TIAM1: variants seen among roughly 807,000 people sequenced by gnomAD.
TIAM1 encodes TIAM Rac1 associated GEF 1, also known as rho guanine nucleotide exchange factor TIAM1.
Under a neutral mutation model 163.5 loss-of-function variants are expected in TIAM1, and 65 were observed. That is an observed-to-expected ratio of 0.40 (90% CI 0.33 to 0.49). The LOEUF (loss-of-function observed/expected upper bound fraction) is 0.49. Ranked by LOEUF, TIAM1 falls within the 20% of genes least tolerant of loss-of-function variation. The pLI is 0.77. For synonymous variants in TIAM1, 833 were observed against 810.1 expected (o/e 1.03, Z -0.48); for missense variants, 1,789 against 2,044.7 (o/e 0.87, Z 2.41).
chr21:31,521,382 A>G (rs1228377075), intron 1 of TIAM1, among the ~76,000 whole-genome samples: 1 of 152,176 alleles, frequency 6.6e-6, no homozygotes, highest in Non-Finnish European at 1.5e-5. Context: ...CCCTGGGCAA[A>G]GTACTTATCC....
At chr21:31,132,467 C>T (rs1311585615) in intron 23 of TIAM1, among the ~76,000 whole-genome samples, 1 of 152,188 alleles carries the variant, frequency 6.6e-6, no homozygotes, top group Non-Finnish European at 1.5e-5. Flanking sequence ...CACAAGCAAC[C>T]TGAGAAGGCC....
At chr21:31,267,719 G>A (rs2146823385) in intron 3 of TIAM1, among the ~76,000 whole-genome samples, 1 of 151,688 alleles carries the variant, frequency 6.6e-6, no homozygotes, top group South Asian at 2.1e-4. Context: ...TGGAGGGGTG[G>A]TGGGGATGGG....
chr21:31,134,069 C>A (rs541096861), intron 23 of TIAM1, among the ~76,000 whole-genome samples: 76 of 152,136 alleles, frequency 5.0e-4, no homozygotes, highest in African/African-American at 1.7e-3. Flanking sequence ...TCCATCCCCC[C>A]AGAAAAACCA....
rs1171637064 is a variant in TIAM1 at position 31,141,731 on chromosome 21, T to TAA, written c.3476-229_3476-228dup. On this transcript the variant is annotated intron_variant, in intron 20 of 27. Transcript: ENST00000541036. This position sits in a 1 kb window ranked among gnomAD's most constrained non-coding sequence, Gnocchi z 4.7. ...TGGGGTGGGGAGAAGCCTGATGAGT[T>TAA]AAAGGATGACGGAGTGTAGACTGCA... 6.6e-6 allele frequency among the ~76,000 whole-genome samples: 1 copy of TAA among 152,010 alleles called. No homozygotes were observed. Among genetic ancestry groups the TAA allele is most frequent in the Non-Finnish European group, 1.5e-5 (1 of 67,994 alleles).
intron 2 of TIAM1, among the ~76,000 whole-genome samples, chr21:31,282,029 G>T (rs1266652133): frequency 6.6e-6 from 1 of 152,230 alleles, no homozygotes; most frequent in African/African-American, 2.4e-5. Context: ...AATTTAAAAA[G>T]TAATAGGAGG....
chr21:31,542,861 G>A (rs957639770), intron 1 of TIAM1, among the ~76,000 whole-genome samples: 3 of 151,878 alleles, frequency 2.0e-5, no homozygotes, highest in Non-Finnish European at 4.4e-5. Context: ...CCAGATACTC[G>A]GGAGGCTGAG....
rs138462355 is a variant in TIAM1 at position 31,453,562 on chromosome 21, G to A, written c.-369+10421C>T. ...GCAAAAATTAGCCGGGTGTGGTGGC[G>A]CACGCCTGTAGTCCCAGCTACTCGG... On this transcript the variant is annotated intron_variant, in intron 2 of 28. Transcript: ENST00000286827. Among the ~76,000 whole-genome samples the A allele has an allele frequency of 2.0e-3, 310 of 152,034 alleles. 2 individuals are homozygous for A. The highest frequency in any genetic ancestry group is 2.4e-3 in the African/African-American group (100 of 41,462).
intron 2 of TIAM1, among the ~76,000 whole-genome samples, chr21:31,376,349 G>A (rs963593820): frequency 1.2e-4 from 19 of 152,154 alleles, no homozygotes; most frequent in African/African-American, 4.6e-4. Context: ...GCTATCTCAG[G>A]CTCCTGGGCT....
chr21:31,457,178 G>A (rs535183033), intron 2 of TIAM1, among the ~76,000 whole-genome samples: 7 of 151,942 alleles, frequency 4.6e-5, no homozygotes, highest in Admixed American at 2.0e-4. Flanking sequence ...TTCAGGCTCC[G>A]GCAGGGAGCT....
At chr21:31,405,202 C>T (rs1487493297) in intron 2 of TIAM1, among the ~76,000 whole-genome samples, 2 of 152,174 alleles carry the variant, frequency 1.3e-5, no homozygotes, top group Non-Finnish European at 2.9e-5. Context: ...GAGCCATGAT[C>T]ATGCCACTGC....
intron 2 of TIAM1, among the ~76,000 whole-genome samples, chr21:31,457,101 T>C (rs2045133729): frequency 6.6e-6 from 1 of 152,178 alleles, no homozygotes; most frequent in Non-Finnish European, 1.5e-5. Flanking sequence ...GTCTCCTCCC[T>C]GATCATTTTT....
intron 2 of TIAM1, among the ~76,000 whole-genome samples, chr21:31,416,840 A>G (rs1194201306): frequency 2.6e-5 from 4 of 152,208 alleles, no homozygotes; most frequent in Non-Finnish European, 4.4e-5. Flanking sequence ...GACATCATGT[A>G]GTGGGCCCTA....
chr21:31,425,063 A>G (rs1023833512), intron 2 of TIAM1, among the ~76,000 whole-genome samples: 1 of 152,086 alleles, frequency 6.6e-6, no homozygotes, highest in Non-Finnish European at 1.5e-5. Flanking sequence ...AAACAAAAAA[A>G]AAAAAAGAAA....
chr21:31,421,317 CAGA>C (rs963333793), intron 2 of TIAM1, among the ~76,000 whole-genome samples: 1 of 152,058 alleles, frequency 6.6e-6, no homozygotes, highest in African/African-American at 2.4e-5. Context: ...TAGGAGCCAC[CAGA>C]AGAAGAGTCG....
intron 1 of TIAM1, among the ~76,000 whole-genome samples, chr21:31,465,504 C>T (rs2045490684): frequency 6.6e-6 from 1 of 151,670 alleles, no homozygotes; most frequent in Non-Finnish European, 1.5e-5. Flanking sequence ...GAGACCAAGG[C>T]AGGGCTTCTT....
chr21:31,335,516 C>A (rs1402863282), intron 2 of TIAM1, among the ~76,000 whole-genome samples: 1 of 151,996 alleles, frequency 6.6e-6, no homozygotes. Flanking sequence ...ACCATCCTGG[C>A]CAACACGGTG....
At position 31,180,521 on chromosome 21, in the gene TIAM1, C is replaced by CT. The variant is rs551863943; in HGVS notation, c.2887+1899dup. Reference sequence around the variant, plus strand: ...CCTATGGATTATAGTTTACCCACCTCTTTTTTTTTTTATATCTGTAACCCA... The same window carrying CT: ...CCTATGGATTATAGTTTACCCACCTCTTTTTTTTTTTTATATCTGTAACCCA... On this transcript the variant is annotated intron_variant, in intron 15 of 27. Coordinates refer to ENST00000541036, the MANE Select transcript of TIAM1 (RefSeq NM_001353694.2). Among the ~76,000 whole-genome samples, 53 of 147,028 alleles carry CT rather than the reference C, an allele frequency of 3.6e-4. 2 individuals carry two copies. Among genetic ancestry groups the CT allele is most frequent in the South Asian group, 3.0e-3 (14 of 4,662 alleles).
chr21:31,207,847 C>T (rs995330867), intron 11 of TIAM1, among the ~76,000 whole-genome samples: 1 of 152,186 alleles, frequency 6.6e-6, no homozygotes. Context: ...TCCTCAGCCT[C>T]CCAAAGTACT....
chr21:31,315,582 G>A (rs1009087960), intron 2 of TIAM1, among the ~76,000 whole-genome samples: 2 of 150,702 alleles, frequency 1.3e-5, no homozygotes, highest in African/African-American at 4.9e-5. Flanking sequence ...GACTGAGGCA[G>A]GAGAATCACT....
Sources: allele counts gnomAD v4.1 joint callset (sites outside exome capture counted in the v4.1 genomes callset), GRCh38; gene constraint gnomAD v4.1.1; non-coding constraint Gnocchi (gnomAD v3.1); transcripts MANE v1.5; gene names NCBI Gene and HGNC (gene_info 2026-07-23, HGNC 2026-07-21).